Variants in APBB1 observed in about 807,000 individuals in gnomAD.
APBB1 encodes the protein adaptor protein FE65a2.
APBB1 carries 22 observed loss-of-function variants against 78.4 expected under a neutral mutation model. The observed-to-expected ratio is 0.28, with a 90% CI of 0.20 to 0.40. The LOEUF (loss-of-function observed/expected upper bound fraction) is 0.40, where lower values mean the gene tolerates loss of function less well. Ranked by LOEUF, APBB1 falls within the 10% of genes least tolerant of loss-of-function variation. APBB1 has a pLI of 1.00. For synonymous variants in APBB1, 369 were observed against 372.7 expected (o/e 0.99, Z 0.12); for missense variants, 749 against 932.4 (o/e 0.80, Z 2.56).
intron 2 of APBB1, among the ~76,000 whole-genome samples, chr11:6,407,585 A>G (rs550921380): frequency 1.3e-5 from 2 of 152,314 alleles, no homozygotes; most frequent in Non-Finnish European, 2.9e-5. Flanking sequence ...TTTTACACCA[A>G]TATCTAGTTT....
In APBB1 at chr11:6,401,092, G is replaced by A; in HGVS notation, c.1589-20C>T. ...ATTCCACTATGGGAAAGAAGAGAAGGTTGATCATGGTGGCAGACCTTGCTC... is the reference window on the plus strand; with the variant it reads ...ATTCCACTATGGGAAAGAAGAGAAGATTGATCATGGTGGCAGACCTTGCTC... On this transcript the variant is annotated intron_variant, in intron 11 of 14. Coordinates refer to ENST00000609360, the MANE Select transcript of APBB1 (RefSeq NM_001164.5). This position sits in a 1 kb window ranked among gnomAD's most constrained non-coding sequence, Gnocchi z 4.5. 1 of 1,614,092 alleles carries A rather than the reference G, an allele frequency of 6.2e-7. No homozygotes were observed. Among genetic ancestry groups the A allele is most frequent in the Non-Finnish European group, 8.5e-7 (1 of 1,180,010 alleles).
In APBB1 at chr11:6,401,524, C is replaced by G; in HGVS notation, c.1503+50G>C. 6.2e-7 allele frequency: 1 copy of G among 1,613,974 alleles called. No individual in the cohort carries two copies. The highest frequency in any genetic ancestry group is 8.5e-7 in the Non-Finnish European group (1 of 1,179,934). ...CAGCACTCAGTGACCCCACCCACAC[C>G]CTTGTAGAGCAAAGGTGGCAACTAG... On this transcript the variant is annotated intron_variant, in intron 10 of 14. Coordinates refer to ENST00000609360, the MANE Select transcript of APBB1 (RefSeq NM_001164.5). The surrounding 1 kb of genome is among the most constrained non-coding windows in gnomAD (Gnocchi z 4.5).
chr11:6,401,819 T>C lies in APBB1; in HGVS notation c.1389-131A>G. 7.1e-7 allele frequency: 1 copy of C among 1,415,174 alleles called. No homozygotes were observed. Among genetic ancestry groups the C allele is most frequent in the Non-Finnish European group, 9.8e-7 (1 of 1,016,846 alleles). The allele number at this position is 1,415,174 out of a possible 1,614,324, so 87.7% of individuals were successfully genotyped here. ...CTGCCCACAGCTGGTCCCCCATAGGTGCTGCCTTCTTGGGGGGGAGGGGTA... is the reference window on the plus strand; with the variant it reads ...CTGCCCACAGCTGGTCCCCCATAGGCGCTGCCTTCTTGGGGGGGAGGGGTA... On this transcript the variant is annotated intron_variant, in intron 9 of 14. Coordinates refer to ENST00000609360, the MANE Select transcript of APBB1 (RefSeq NM_001164.5). The surrounding 1 kb of genome is among the most constrained non-coding windows in gnomAD (Gnocchi z 4.5).
At chr11:6,400,505 G>A (rs1420391507) in intron 12 of APBB1, among the ~76,000 whole-genome samples, 11 of 149,032 alleles carry the variant, frequency 7.4e-5, no homozygotes, top group Middle Eastern at 3.5e-3. Flanking sequence ...TCACGCCACC[G>A]CACTCCAGCC....
chr11:6,399,780 G>C (rs1236200869), intron 12 of APBB1, among the ~76,000 whole-genome samples: 1 of 152,156 alleles, frequency 6.6e-6, no homozygotes, highest in African/African-American at 2.4e-5. Flanking sequence ...TGAGGTCCCT[G>C]ACCTGGCAGC....
rs1393860641 is a variant in APBB1 at position 6,401,695 on chromosome 11, G to A, written c.1389-7C>T. On this transcript the variant is annotated splice_region_variant and splice_polypyrimidine_tract_variant and intron_variant, in intron 9 of 14. Coordinates refer to ENST00000609360, the MANE Select transcript of APBB1 (RefSeq NM_001164.5). The surrounding 1 kb of genome is among the most constrained non-coding windows in gnomAD (Gnocchi z 4.5). ...AGCTACGTAGGCAAAGTCCCTGTTG[G>A]GGAAGGGGCACCTCAGTGTCTCCCA... is the stretch of plus-strand genomic sequence containing the variant. 6.2e-7 allele frequency: 1 copy of A among 1,613,960 alleles called. No homozygotes were observed. The highest frequency in any genetic ancestry group is 1.3e-5 in the African/African-American group (1 of 74,934).
At position 6,410,962 on chromosome 11, in the gene APBB1, T is replaced by A; in HGVS notation, c.386A>T (p.Asn129Ile). The A allele has an allele frequency of 6.2e-7, 1 of 1,614,174 alleles. No homozygotes were observed. The highest frequency in any genetic ancestry group is 8.5e-7 in the Non-Finnish European group (1 of 1,180,026). ...ELELSAHNAA[N>I]RGLRGPGLII... ...CAGGCCAGGTCCTCGTAGGCCTCGG[T>A]TGGCTGCGTTGTGAGCTGAGAGCTC... The change falls in exon 2 of 15, where the codon AAC becomes ATC. Residue 129 changes from asparagine (N) to isoleucine (I), a missense_variant. By Grantham distance (149) the Asn-to-Ile change is moderately radical (BLOSUM62 -3). This residue lies in a region of APBB1 where 635 missense variants were observed against 765.0 expected (regional missense o/e 0.83). Transcript: ENST00000609360.
intron 2 of APBB1, among the ~76,000 whole-genome samples, chr11:6,407,773 A>AT (rs34560475): frequency 0.03 from 4,190 of 137,698 alleles, 207 homozygotes; most frequent in African/African-American, 0.092. Context: ...TAGTAGAAGT[A>AT]TTTTTTTTTT....
At chr11:6,405,834 G>C (rs1425886381) in intron 2 of APBB1, among the ~76,000 whole-genome samples, 1 of 152,170 alleles carries the variant, frequency 6.6e-6, no homozygotes, top group Non-Finnish European at 1.5e-5. Context: ...CTGTTCCCTA[G>C]AGACCCTCCA....
rs936167780 is a variant in APBB1 at position 6,402,625 on chromosome 11, G to C, written c.1205C>G (p.Ser402Cys). The change falls in exon 7 of 15, where the codon TCT (serine) becomes TGT (cysteine). Residue 402 changes from serine to cysteine, a missense_variant. By Grantham distance (112) the Ser-to-Cys change is moderately radical (BLOSUM62 -1). Transcript: ENST00000609360. ...VAVNNCIRQL[S>C]YHKNNLHDPM... ...GTCATGCAGGTTGTTTTTGTGGTAA[G>C]AGAGCTGACGGATGCAATTGTTGAC... 1.2e-6 allele frequency: 2 copies of C among 1,614,008 alleles called. No individual in the cohort carries two copies. The highest frequency in any genetic ancestry group is 1.7e-6 in the Non-Finnish European group (2 of 1,180,028).
In APBB1 at chr11:6,410,655, G is replaced by A. The variant is rs761279160; in HGVS notation, c.693C>T (p.Ser231=). ...TGTCCTCTGGGGAGCCATAGGAGGG[G>A]CTGCCCTGGGATAAGGTAGCCCAGC... ...DSSWATLSQG[S]PSYGSPEDTD... is the part of the protein sequence containing the mutation. Residue 231 remains serine (S), a synonymous_variant, in exon 2 of 15, where the codon AGC becomes AGT. Coordinates refer to ENST00000609360, the MANE Select transcript of APBB1 (RefSeq NM_001164.5). 1 of 1,517,664 alleles carries A rather than the reference G, an allele frequency of 6.6e-7. No homozygotes were observed. Among genetic ancestry groups the A allele is most frequent in the South Asian group, 1.3e-5 (1 of 75,018 alleles). The allele number at this position is 1,517,664 out of a possible 1,614,324, so 94.0% of individuals were successfully genotyped here. A position where few individuals can be genotyped will look rare whatever the true frequency, so the allele number is the denominator to read the frequency against.
intron 13 of APBB1, 44 bp from the exon 14 acceptor site, chr11:6,396,006 C>T: frequency 6.2e-7 from 1 of 1,605,030 alleles, no homozygotes; most frequent in East Asian, 2.2e-5. Flanking sequence ...CAACCCCACA[C>T]TGTGTTCCAC....
chr11:6,417,233 C>G (rs1029357915), intron 1 of APBB1, among the ~76,000 whole-genome samples: 2 of 152,186 alleles, frequency 1.3e-5, no homozygotes, highest in African/African-American at 2.4e-5. Flanking sequence ...GACCTCTTCT[C>G]CTACTCTCTA....
rs753528216 is a variant in APBB1, at chr11:6,395,801, C to A, written c.1950G>T (p.Val650=). ...EPNAASLSEA[V]QAACMLRYQK... ...AGTAGCTTACCATGCACGCAGCCTG[C>A]ACAGCCTCTGAGAGGCTGGCAGCAT... Residue 650 remains valine, a synonymous_variant, in exon 14 of 15, where the codon GTG becomes GTT. Transcript: ENST00000609360. This position sits in a 1 kb window ranked among gnomAD's most constrained non-coding sequence, Gnocchi z 5.2. 1 of 1,614,014 alleles carries A rather than the reference C, an allele frequency of 6.2e-7. No homozygotes were observed. The highest frequency in any genetic ancestry group is 8.5e-7 in the Non-Finnish European group (1 of 1,179,970).
intron 2 of APBB1, among the ~76,000 whole-genome samples, chr11:6,406,141 C>T (rs1564942921): frequency 6.6e-6 from 1 of 152,244 alleles, no homozygotes; most frequent in East Asian, 1.9e-4. Context: ...AAGCGCAGCC[C>T]ACCCCGGCCT....
intron 2 of APBB1, among the ~76,000 whole-genome samples, chr11:6,406,524 A>G (rs1248021235): frequency 6.6e-6 from 1 of 152,024 alleles, no homozygotes; most frequent in Non-Finnish European, 1.5e-5. Context: ...TAATCAAGTA[A>G]TTTTCCAACG....
intron 2 of APBB1, chr11:6,404,617 T>C: frequency 6.5e-7 from 1 of 1,536,280 alleles, no homozygotes; most frequent in Non-Finnish European, 8.7e-7. Context: ...CTCGCATCTG[T>C]GTCATACACC....
In APBB1 at chr11:6,402,662, T is replaced by C; in HGVS notation, c.1168A>G (p.Ser390Gly). ...MTEEELAPGRSSVAVNNCIRQ... is the reference protein window; with the variant it reads ...MTEEELAPGRGSVAVNNCIRQ... ...ATGCAATTGTTGACTGCCACACTGCTGCGTCCAGGGGCCAGCTCCTCCTCG... is the reference window on the plus strand; with the variant it reads ...ATGCAATTGTTGACTGCCACACTGCCGCGTCCAGGGGCCAGCTCCTCCTCG... The change falls in exon 7 of 15, where the codon AGC becomes GGC. Residue 390 changes from serine to glycine, a missense_variant. Around this residue, in one of 3 missense-constraint regions of APBB1, gnomAD observed 635 missense variants for 765.0 expected, o/e 0.83. Coordinates refer to ENST00000609360, the MANE Select transcript of APBB1 (RefSeq NM_001164.5). 3 of 1,614,170 alleles carry C rather than the reference T, an allele frequency of 1.9e-6. No individual in the cohort carries two copies. Among genetic ancestry groups the C allele is most frequent in the Non-Finnish European group, 2.5e-6 (3 of 1,180,032 alleles).
intron 2 of APBB1, chr11:6,404,557 C>A (rs1848702379): frequency 6.5e-7 from 1 of 1,530,832 alleles, no homozygotes; most frequent in Non-Finnish European, 8.8e-7. Flanking sequence ...ACTTCCTGAC[C>A]CTTGCTGCAC....
Sources: gnomAD v4.1 joint callset for allele counts (sites outside exome capture counted in the v4.1 genomes callset) on GRCh38, gnomAD v4.1.1 for gene constraint, gnomAD v4.1.1 regional missense constraint, Gnocchi (gnomAD v3.1) non-coding constraint, MANE v1.5 for transcripts, NCBI Gene and HGNC (gene_info 2026-07-23, HGNC 2026-07-21) for gene names.